EMC8: variants seen among roughly 807,000 people sequenced by gnomAD.
The protein encoded by EMC8 is ER membrane protein complex subunit 8, also known as COX4 neighbor.
A neutral mutation model predicts 24.3 loss-of-function variants in EMC8; 11 were observed. That is an observed-to-expected ratio of 0.45 (90% confidence interval 0.28 to 0.75). The LOEUF (loss-of-function observed/expected upper bound fraction) is 0.75. Among genes scored for constraint, EMC8 ranks in the 30% least tolerant of loss-of-function variants. EMC8 has a pLI of 0.12. For missense variants in EMC8, 277 were observed against 282.7 expected (o/e 0.98, Z 0.14); for synonymous variants, 145 against 117.7 (o/e 1.23, Z -1.50).
chr16:85,798,908 C>G (rs1905423414), intron 1 of EMC8, 157 bp downstream of exon 1: 1 of 585,936 alleles, frequency 1.7e-6, no homozygotes, highest in Non-Finnish European at 3.0e-6. Flanking sequence ...CGCCAAGACC[C>G]AAGCGCCATC....
Position 85,781,219 on chromosome 16 carries a change from G to A in EMC8, c.370C>T (p.Leu124Phe). The change falls in exon 3 of 5, where the codon CTC becomes TTC. Residue 124 changes from leucine to phenylalanine, a missense_variant. Leu to Phe is a conservative substitution (Grantham distance 22). Coordinates refer to ENST00000253457, the MANE Select transcript of EMC8 (RefSeq NM_006067.5). Reference sequence around the variant, plus strand: ...GCACAGAAGCGACTTACCATGATGAGCGCAGTGTCGCTGAAGCCCTCGGCG... The same window carrying A: ...GCACAGAAGCGACTTACCATGATGAACGCAGTGTCGCTGAAGCCCTCGGCG... ...RIAEGFSDTA[L>F]IMVDNTKFTM... 3 of 1,613,138 alleles carry A rather than the reference G, an allele frequency of 1.9e-6. No homozygotes were observed. The highest frequency in any genetic ancestry group is 2.5e-6 in the Non-Finnish European group (3 of 1,179,110).
rs1904396208 is a variant in EMC8, at chr16:85,779,666, A to G, written c.*42T>C. The stretch of plus-strand genomic sequence containing the variant: ...ATTTAAAAATAGGTTTTCTTCTTCA[A>G]CGTAGTGGAAAGGCCCGGAGCCCAG... On this transcript the variant is annotated 3_prime_UTR_variant, in exon 5 of 5. Coordinates refer to ENST00000253457, the MANE Select transcript of EMC8 (RefSeq NM_006067.5). 6.3e-7 allele frequency: 1 copy of G among 1,592,886 alleles called. No individual in the cohort carries two copies. The highest frequency in any genetic ancestry group is 1.7e-5 in the Admixed American group (1 of 59,710).
intron 1 of EMC8, among the ~76,000 whole-genome samples, chr16:85,798,077 G>A (rs527887199): frequency 6.8e-6 from 1 of 147,074 alleles, no homozygotes; most frequent in Non-Finnish European, 1.5e-5. Context: ...GTGTTGGACA[G>A]ATCGTCTGCT....
rs545191661 is a variant in EMC8, at chr16:85,780,641, T to C, written c.379-168A>G. The C allele has an allele frequency of 4.7e-5, 28 of 599,754 alleles. No homozygotes were observed. In the East Asian group the frequency reaches 6.9e-4, roughly 15 times the overall value. 37.2% of individuals were successfully genotyped at this position (599,754 alleles called of 1,614,324 possible). Reference sequence around the variant, plus strand: ...CGCGAGTGTCTGGCCTGAGGAAAACTGTTGTGTCATGCAGGAAAACGTCAA... The same window carrying C: ...CGCGAGTGTCTGGCCTGAGGAAAACCGTTGTGTCATGCAGGAAAACGTCAA... On this transcript the variant is annotated intron_variant, in intron 3 of 4. Coordinates refer to ENST00000253457, the MANE Select transcript of EMC8 (RefSeq NM_006067.5).
At position 85,781,197 on chromosome 16, in the gene EMC8, C is replaced by A; in HGVS notation, c.378+14G>T. On this transcript the variant is annotated intron_variant, in intron 3 of 4. Coordinates refer to ENST00000253457, the MANE Select transcript of EMC8 (RefSeq NM_006067.5). ...GCGCAAGGGCCTCCCACATGCTGCACAGAAGCGACTTACCATGATGAGCGC... is the reference window on the plus strand; with the variant it reads ...GCGCAAGGGCCTCCCACATGCTGCAAAGAAGCGACTTACCATGATGAGCGC... The A allele has an allele frequency of 6.2e-7, 1 of 1,610,256 alleles. No homozygotes were observed. Among genetic ancestry groups the A allele is most frequent in the Non-Finnish European group, 8.5e-7 (1 of 1,176,638 alleles).
chr16:85,781,507 T>A (rs190478254), intron 2 of EMC8: 36 of 471,922 alleles, frequency 7.6e-5, no homozygotes, highest in African/African-American at 6.9e-4. Flanking sequence ...CATAGCCCAC[T>A]GTAACCTCAA....
chr16:85,780,865 G>C (rs1904459294), intron 3 of EMC8: 1 of 442,226 alleles, frequency 2.3e-6, no homozygotes, highest in African/African-American at 2.0e-5. Context: ...GTTCAGACCA[G>C]AATCATCTAG....
rs1904883285 is a variant in EMC8, at chr16:85,789,003, A to G, written c.279T>C (p.Tyr93=). 6.2e-7 allele frequency: 1 copy of G among 1,613,866 alleles called. No homozygotes were observed. Among genetic ancestry groups the G allele is most frequent in the Non-Finnish European group, 8.5e-7 (1 of 1,179,798 alleles). The change falls in exon 2 of 5, where the codon TAT becomes TAC. Residue 93 remains tyrosine (Y), a synonymous_variant. Coordinates refer to ENST00000253457, the MANE Select transcript of EMC8 (RefSeq NM_006067.5). ...KDHSYVIAGY[Y]QANERVKDAS... ...CATCCTTTACTCGCTCATTAGCTTG[A>G]TAATAACCAGCAATCACGTAGCTAT...
chr16:85,782,745 A>G (rs942665726), intron 2 of EMC8, among the ~76,000 whole-genome samples: 2 of 151,910 alleles, frequency 1.3e-5, no homozygotes, highest in East Asian at 3.9e-4. Flanking sequence ...TGGCCCCAAG[A>G]CTGCTACCCC....
At chr16:85,781,188 C>CA (rs1904478800) in intron 3 of EMC8, 23 bp downstream of exon 3, 3 of 1,602,028 alleles carry the variant, frequency 1.9e-6, no homozygotes, top group Non-Finnish European at 2.6e-6. Context: ...GGGCCTCCCA[C>CA]ATGCTGCACA....
chr16:85,787,338 C>T (rs139221092), intron 2 of EMC8, among the ~76,000 whole-genome samples: 107 of 152,150 alleles, frequency 7.0e-4, no homozygotes, highest in African/African-American at 2.5e-3. Context: ...TGGGATCATC[C>T]TACCAGGTCT....
At chr16:85,788,409 T>G (rs28436728) in intron 2 of EMC8, among the ~76,000 whole-genome samples, 3,095 of 152,388 alleles carry the variant, frequency 0.02, 110 homozygotes, top group African/African-American at 0.07. Context: ...TATCACCACC[T>G]GAGTGTGTCA....
chr16:85,779,932 A>G, intron 4 of EMC8, 65 bp from the exon 5 acceptor site: 1 of 1,414,836 alleles, frequency 7.1e-7, no homozygotes, highest in South Asian at 1.2e-5. Flanking sequence ...AACAGCATCA[A>G]GAGAGAAGGC....
At chr16:85,796,392 T>C (rs1203760329) in intron 1 of EMC8, among the ~76,000 whole-genome samples, 1 of 152,138 alleles carries the variant, frequency 6.6e-6, no homozygotes, top group African/African-American at 2.4e-5. Flanking sequence ...CCCTTCTCCG[T>C]ACCCATGCTG....
chr16:85,791,082 C>A (rs1169268368), intron 1 of EMC8, among the ~76,000 whole-genome samples: 1 of 152,016 alleles, frequency 6.6e-6, no homozygotes, highest in Non-Finnish European at 1.5e-5. Flanking sequence ...CCTGCCTTGG[C>A]CTCCCAAAGT....
intron 1 of EMC8, among the ~76,000 whole-genome samples, chr16:85,790,179 G>C (rs1190763637): frequency 1.3e-5 from 2 of 151,862 alleles, no homozygotes; most frequent in Non-Finnish European, 2.9e-5. Flanking sequence ...GAATAAACTG[G>C]TTAAAAATGG....
intron 1 of EMC8, among the ~76,000 whole-genome samples, chr16:85,796,323 G>T (rs1905243222): frequency 6.6e-6 from 1 of 151,980 alleles, no homozygotes. Flanking sequence ...TTTCCCCTAG[G>T]TCCATGCACG....
intron 1 of EMC8, 159 bp downstream of exon 1, chr16:85,798,906 C>T: frequency 1.7e-6 from 1 of 585,292 alleles, no homozygotes; most frequent in Non-Finnish European, 3.0e-6. Flanking sequence ...AGCGCCAAGA[C>T]CCAAGCGCCA....
chr16:85,787,719 C>T (rs1399356020), intron 2 of EMC8: 5 of 152,268 alleles, frequency 3.3e-5, no homozygotes, highest in South Asian at 4.1e-4. Context: ...GGATTCCACG[C>T]ACTCCCAACC....
Sources: allele counts gnomAD v4.1 joint callset (sites outside exome capture counted in the v4.1 genomes callset), GRCh38; gene constraint gnomAD v4.1.1; transcripts MANE v1.5; gene names NCBI Gene and HGNC (gene_info 2026-07-23, HGNC 2026-07-21).